Variants in IQCE observed in about 807,000 individuals in gnomAD.
IQCE encodes IQ motif containing E, also known as IQ domain-containing protein E.
Under a neutral mutation model 96.0 loss-of-function variants are expected in IQCE, and 115 were observed. That is an observed-to-expected ratio of 1.20 (90% confidence interval 1.03 to 1.40). The LOEUF is 1.40. Ranked by LOEUF, IQCE falls within the 40% of genes most tolerant of loss-of-function variation. The pLI, the probability that IQCE is intolerant of heterozygous loss-of-function variation, is 0.00. For synonymous variants in IQCE, 412 were observed against 371.2 expected (o/e 1.11, Z -1.26); for missense variants, 1,041 against 909.1 (o/e 1.15, Z -1.87).
Position 2,607,145 on chromosome 7 carries a change from C to T in IQCE, c.1887C>T (p.Thr629=). The T allele has an allele frequency of 6.2e-7, 1 of 1,607,044 alleles. No homozygotes were observed. Among genetic ancestry groups the T allele is most frequent in the Admixed American group, 1.7e-5 (1 of 58,430 alleles). ...ARHSATGKRT[T]TAASTRRRSA... Reference sequence around the variant, plus strand: ...CCAGTGCTACCGGTAAAAGAACCACCACCGCAGCTTCTACCAGGAGGAGAT... The same window carrying T: ...CCAGTGCTACCGGTAAAAGAACCACTACCGCAGCTTCTACCAGGAGGAGAT... The change falls in exon 21 of 22, where the codon ACC becomes ACT. Residue 629 remains threonine (T), a synonymous_variant. Coordinates refer to ENST00000402050, the MANE Select transcript of IQCE (RefSeq NM_152558.5).
At position 2,598,449 on chromosome 7, in the gene IQCE, C is replaced by G; in HGVS notation, c.1441-16C>G. 1 of 1,557,170 alleles carries G rather than the reference C, an allele frequency of 6.4e-7. No homozygotes were observed. The highest frequency in any genetic ancestry group is 8.7e-7 in the Non-Finnish European group (1 of 1,151,542). ...CCCTGGCTTCATTGTCCTCTTACTC[C>G]TTCAATTTCCTGCAGGCCCAAGAGC... On this transcript the variant is annotated splice_polypyrimidine_tract_variant and intron_variant, in intron 16 of 21. Transcript: ENST00000402050.
At chr7:2,592,466 G>T (rs1783677880) in intron 14 of IQCE, among the ~76,000 whole-genome samples, 1 of 152,232 alleles carries the variant, frequency 6.6e-6, no homozygotes, top group Non-Finnish European at 1.5e-5. Flanking sequence ...TAGGGTTGCT[G>T]GCATTTAATA....
intron 4 of IQCE, 83 bp from the exon 5 acceptor site, chr7:2,572,109 A>G: frequency 3.4e-6 from 5 of 1,458,950 alleles, no homozygotes; most frequent in Non-Finnish European, 2.8e-6. Context: ...GCTTTCTTCA[A>G]TCCAGGAAAG....
intron 11 of IQCE, among the ~76,000 whole-genome samples, chr7:2,585,422 T>G (rs1385104415): frequency 6.6e-6 from 1 of 152,204 alleles, no homozygotes; most frequent in Non-Finnish European, 1.5e-5. Context: ...TAATAGTGAT[T>G]GTGGATTAAT....
chr7:2,567,400 G>A (rs1226991541), intron 2 of IQCE, among the ~76,000 whole-genome samples: 13 of 152,260 alleles, frequency 8.5e-5, no homozygotes, highest in African/African-American at 2.9e-4. Flanking sequence ...ATGTGAGACA[G>A]ATTGCTAGTC....
chr7:2,565,253 A>ATG (rs1218151549), intron 1 of IQCE, among the ~76,000 whole-genome samples: 8 of 140,390 alleles, frequency 5.7e-5, no homozygotes, highest in Admixed American at 1.4e-4. Context: ...GTGTGTGTGC[A>ATG]TGCGTGTGTG....
chr7:2,587,250 T>G, intron 12 of IQCE, among the ~76,000 whole-genome samples: 4 of 145,646 alleles, frequency 2.7e-5, no homozygotes, highest in African/African-American at 7.7e-5. Context: ...GAGGTCTGAG[T>G]GTGTGGGAGT....
intron 1 of IQCE, among the ~76,000 whole-genome samples, chr7:2,565,970 C>G (rs1002145047): frequency 6.6e-6 from 1 of 152,222 alleles, no homozygotes; most frequent in Non-Finnish European, 1.5e-5. Flanking sequence ...AATACAGTTT[C>G]ACACTGCTAG....
chr7:2,581,502 G>A (rs1271317787), intron 8 of IQCE, among the ~76,000 whole-genome samples: 2 of 152,004 alleles, frequency 1.3e-5, no homozygotes, highest in Admixed American at 1.3e-4. Flanking sequence ...CACTGCACCC[G>A]GCCAACTAAC....
intron 1 of IQCE, among the ~76,000 whole-genome samples, chr7:2,565,840 G>A (rs558575266): frequency 6.6e-6 from 1 of 151,940 alleles, no homozygotes; most frequent in Non-Finnish European, 1.5e-5. Flanking sequence ...TTTTTTAAAC[G>A]CTCCATTTAT....
In IQCE at chr7:2,580,522, G is replaced by C. The variant is rs374185283; in HGVS notation, c.630+1996G>C. ...AGCTACTCAGGAGGCTGAGGCAGAA[G>C]GATCACTTGAACTTGGGAGGTGGAG... On this transcript the variant is annotated intron_variant, in intron 8 of 21. Coordinates refer to ENST00000402050, the MANE Select transcript of IQCE (RefSeq NM_152558.5). Among the ~76,000 whole-genome samples the C allele has an allele frequency of 7.3e-3, 1,107 of 152,250 alleles. 17 individuals are homozygous for C. Among genetic ancestry groups the C allele is most frequent in the African/African-American group, 0.025 (1,058 of 41,530 alleles).
chr7:2,578,887 C>T (rs1187328776), intron 8 of IQCE, among the ~76,000 whole-genome samples: 2 of 152,118 alleles, frequency 1.3e-5, no homozygotes, highest in African/African-American at 4.8e-5. Context: ...GTTGTGAAAC[C>T]CTGTCTCTAC....
At chr7:2,594,655 C>CA (rs1783878725) in intron 15 of IQCE, among the ~76,000 whole-genome samples, 1 of 152,260 alleles carries the variant, frequency 6.6e-6, no homozygotes, top group African/African-American at 2.4e-5. Context: ...CCTCGTGGGG[C>CA]TTCCAGCCCA....
rs761442647 is a variant in IQCE, at chr7:2,578,303, A to G, written c.527A>G (p.Glu176Gly). Residue 176 changes from glutamate (E) to glycine (G), a missense_variant, in exon 7 of 22, where the codon GAG (glutamate) becomes GGG (glycine). Transcript: ENST00000402050. ...AGAACGAAGCTCCGGCGCCTGGAGG[A>G]GGAAAACAGCAGGAAGGACCGGCAG... ...LMRTKLRRLE[E>G]ENSRKDRQIE... The G allele has an allele frequency of 1.2e-5, 20 of 1,613,622 alleles. No homozygotes were observed. Among genetic ancestry groups the G allele is most frequent in the South Asian group, 2.2e-5 (2 of 91,072 alleles).
intron 8 of IQCE, among the ~76,000 whole-genome samples, chr7:2,579,700 G>GGTGTGT (rs68086038): frequency 1.1e-4 from 14 of 132,994 alleles, no homozygotes; most frequent in South Asian, 5.0e-4. Flanking sequence ...TTGTTCTGGT[G>GGTGTGT]GTGTGTGTGT....
chr7:2,599,620 C>A (rs554545997), intron 17 of IQCE, among the ~76,000 whole-genome samples: 1 of 152,050 alleles, frequency 6.6e-6, no homozygotes, highest in Non-Finnish European at 1.5e-5. Context: ...CCTCAGCCTC[C>A]CAAGTAGTTG....
chr7:2,592,748 G>GA (rs1217460593), intron 14 of IQCE, among the ~76,000 whole-genome samples: 1 of 152,264 alleles, frequency 6.6e-6, no homozygotes, highest in Non-Finnish European at 1.5e-5. Flanking sequence ...GGCTGGAGGG[G>GA]CAACTCCTCA....
At chr7:2,599,102 G>A (rs957304608) in intron 17 of IQCE, among the ~76,000 whole-genome samples, 3 of 152,134 alleles carry the variant, frequency 2.0e-5, no homozygotes, top group Admixed American at 6.5e-5. Flanking sequence ...ACATCCCATC[G>A]GAGCCTGGGG....
At chr7:2,598,850 A>G in intron 17 of IQCE, 1 of 404,070 alleles carries the variant, frequency 2.5e-6, no homozygotes. Flanking sequence ...ATTTCTTTCC[A>G]TCCAGTTTTC....
Sources: allele counts gnomAD v4.1 joint callset (sites outside exome capture counted in the v4.1 genomes callset), GRCh38; gene constraint gnomAD v4.1.1; transcripts MANE v1.5; gene names NCBI Gene and HGNC (gene_info 2026-07-23, HGNC 2026-07-21).